Variants in CCT8 observed in about 807,000 individuals in gnomAD.
The protein encoded by CCT8 is chaperonin containing TCP1 subunit 8.
A neutral mutation model predicts 65.7 loss-of-function variants in CCT8; 10 were observed. That is an observed-to-expected ratio of 0.15 (90% confidence interval 0.09 to 0.26). The LOEUF is 0.26. Ranked by LOEUF, CCT8 falls within the 10% of genes least tolerant of loss-of-function variation. The pLI is 1.00. For synonymous variants in CCT8, 199 were observed against 221.8 expected (o/e 0.90, Z 0.92); for missense variants, 568 against 669.1 (o/e 0.85, Z 1.67).
At chr21:29,063,302 C>CA in intron 8 of CCT8, 50 bp downstream of exon 8, 1 of 1,488,158 alleles carries the variant, frequency 6.7e-7, no homozygotes, top group Non-Finnish European at 9.3e-7. Flanking sequence ...TTTTCACCAC[C>CA]AAAAAACCAT....
At chr21:29,064,930 A>AC in intron 7 of CCT8, 38 bp downstream of exon 7, 4 of 1,595,234 alleles carry the variant, frequency 2.5e-6, no homozygotes, top group Non-Finnish European at 2.6e-6. Context: ...TGAAAGTGCA[A>AC]CCCCAATTAT....
chr21:29,058,514 T>C (rs2085528846), intron 14 of CCT8, among the ~76,000 whole-genome samples: 1 of 152,082 alleles, frequency 6.6e-6, no homozygotes, highest in Non-Finnish European at 1.5e-5. Context: ...AAAGTGCTCA[T>C]TAAAACAGAC....
chr21:29,067,400 T>TA (rs1465102570), intron 4 of CCT8, among the ~76,000 whole-genome samples, 156 bp downstream of exon 4: 3 of 152,238 alleles, frequency 2.0e-5, no homozygotes. Flanking sequence ...ACTAAAATGA[T>TA]ACAGCATGTG....
At chr21:29,069,794 ATGCAGCAAGTGC>A (rs1471109997) in intron 2 of CCT8, among the ~76,000 whole-genome samples, 3 of 152,240 alleles carry the variant, frequency 2.0e-5, no homozygotes, top group African/African-American at 7.2e-5. Flanking sequence ...CATGACTGTC[ATGCAGCAAGTGC>A]TCAACAGAAA....
chr21:29,069,494 T>G lies in CCT8; in HGVS notation c.160A>C (p.Lys54Gln). 6.4e-7 allele frequency: 1 copy of G among 1,560,388 alleles called. No individual in the cohort carries two copies. Among genetic ancestry groups the G allele is most frequent in the Non-Finnish European group, 8.7e-7 (1 of 1,154,058 alleles). ...TTCTCCAAGTGGTTGATAACCATTTTGTTCATTCCTCAAAAGTAACAGTTA... is the reference window on the plus strand; with the variant it reads ...TTCTCCAAGTGGTTGATAACCATTTGGTTCATTCCTCAAAAGTAACAGTTA... ...RTAYGPNGMNKMVINHLEKLF... is the reference protein window; with the variant it reads ...RTAYGPNGMNQMVINHLEKLF... The change falls in exon 3 of 15, where the codon AAA becomes CAA. Residue 54 changes from lysine to glutamine, a missense_variant. By Grantham distance (53) the Lys-to-Gln change is moderately conservative (BLOSUM62 1). Transcript: ENST00000286788.
intron 7 of CCT8, 115 bp downstream of exon 7, chr21:29,064,853 G>T: frequency 1.2e-6 from 1 of 805,968 alleles, no homozygotes; most frequent in Non-Finnish European, 2.0e-6. Context: ...TAAAAAAATA[G>T]GTAAGATCCT....
Position 29,062,234 on chromosome 21 carries a change from TCTTC to T in CCT8, c.1102_1105del (p.Glu368MetfsTer7). On this transcript the variant is annotated frameshift_variant, in exon 11 of 15. Transcript: ENST00000286788. LOFTEE classifies it high-confidence loss of function. ...AAGTACTATGGTAGAAATGGCGCCA[TCTTC>T]CTTTTCTATCAAAAAATTAAATATA... The T allele has an allele frequency of 6.2e-7, 1 of 1,612,808 alleles. No homozygotes were observed. Among genetic ancestry groups the T allele is most frequent in the Non-Finnish European group, 8.5e-7 (1 of 1,178,934 alleles).
rs535092092 is a variant in CCT8 at position 29,070,342 on chromosome 21, T to TA, written c.61-6dup. The TA allele has an allele frequency of 2.3e-3, 3,638 of 1,590,080 alleles. 8 individuals are homozygous for TA. The highest frequency in any genetic ancestry group is 4.7e-3 in the Middle Eastern group (28 of 5,988). On this transcript the variant is annotated splice_polypyrimidine_tract_variant and splice_region_variant and intron_variant, in intron 1 of 14. Coordinates refer to ENST00000286788, the MANE Select transcript of CCT8 (RefSeq NM_006585.4). ...CTCTTCTAATCCTGAAAAGTGCTGT[T>TA]AAAAAAAACAAACAAAAAACCCCGC...
chr21:29,060,387 GA>G (rs1285896075), intron 14 of CCT8, among the ~76,000 whole-genome samples, 153 bp downstream of exon 14: 2 of 151,998 alleles, frequency 1.3e-5, no homozygotes, highest in Admixed American at 6.6e-5. Context: ...TATAATAGAA[GA>G]AAAAAATTGG....
Position 29,072,076 on chromosome 21 carries a change from G to GC in CCT8, c.60+1454dup, listed in dbSNP as rs1355403218. 9.3e-6 allele frequency: 6 copies of GC among 645,962 alleles called. No individual in the cohort carries two copies. The Admixed American group carries it at 1.3e-4, about 14-fold the overall frequency. The allele number at this position is 645,962 out of a possible 1,614,324, so 40.0% of individuals were successfully genotyped here. A position where few individuals can be genotyped will look rare whatever the true frequency, so the allele number is the denominator to read the frequency against. ...TTGTACTAGTTAGTCCCTGAGCCTG[G>GC]CATTTCCCCCTAAGTAAGAGGTCGG... On this transcript the variant is annotated intron_variant, in intron 1 of 14. Coordinates refer to ENST00000286788, the MANE Select transcript of CCT8 (RefSeq NM_006585.4).
In CCT8 at chr21:29,060,504, T is replaced by A. The variant is rs1274935951; in HGVS notation, c.1569+37A>T. ...AATATACTATTAAACAGTATGCAAA[T>A]GAGTATTTTTAAAGATCAAAATTTC... is the stretch of plus-strand genomic sequence containing the variant. On this transcript the variant is annotated intron_variant, in intron 14 of 14. Transcript: ENST00000286788. 2.5e-6 allele frequency: 4 copies of A among 1,601,778 alleles called. No homozygotes were observed. The African/African-American group carries it at 5.4e-5, about 21-fold the overall frequency.
At chr21:29,071,640 G>A (rs2085681464) in intron 1 of CCT8, among the ~76,000 whole-genome samples, 1 of 152,004 alleles carries the variant, frequency 6.6e-6, no homozygotes, top group Non-Finnish European at 1.5e-5. Context: ...ACTGACCTCG[G>A]CCTCCCCAGT....
At chr21:29,057,773 GAT>G (rs576298301) in intron 14 of CCT8, among the ~76,000 whole-genome samples, 98 of 116,458 alleles carry the variant, frequency 8.4e-4, no homozygotes, top group African/African-American at 2.0e-3. Flanking sequence ...AGATATATAT[GAT>G]ATATATGAGA....
At chr21:29,060,511 T>G in intron 14 of CCT8, 30 bp downstream of exon 14, 1 of 1,609,718 alleles carries the variant, frequency 6.2e-7, no homozygotes, top group Non-Finnish European at 8.5e-7. Context: ...AAATGAGTAT[T>G]TTTAAAGATC....
chr21:29,066,579 A>G, intron 6 of CCT8, 137 bp downstream of exon 6: 1 of 542,216 alleles, frequency 1.8e-6, no homozygotes, highest in Non-Finnish European at 3.3e-6. Context: ...ATGCCTCAAA[A>G]AAAGTCCTAA....
At position 29,061,311 on chromosome 21, in the gene CCT8, A is replaced by G. The variant is rs777480945; in HGVS notation, c.1391T>C (p.Ile464Thr). Reference protein sequence around the residue: ...ENSGVKANEVISKLYAVHQEG... With the variant: ...ENSGVKANEVTSKLYAVHQEG... ...TTGATGTACTGCATAAAGTTTAGAG[A>G]TTACTTCATTGGCCTTAACTCCAGA... The change falls in exon 13 of 15, where the codon ATC becomes ACC. Residue 464 changes from isoleucine to threonine, a missense_variant. By Grantham distance (89) the Ile-to-Thr change is moderately conservative. Transcript: ENST00000286788. 8.1e-6 allele frequency: 13 copies of G among 1,613,908 alleles called. No individual in the cohort carries two copies. Among genetic ancestry groups the G allele is most frequent in the East Asian group, 4.5e-5 (2 of 44,882 alleles).
chr21:29,066,759 G>A lies in CCT8; in HGVS notation c.581C>T (p.Ser194Phe), dbSNP rs749877026. ...AQACVSIFPD[S>F]GHFNVDNIRV... ...GATGTTATCAACATTGAAATGGCCG[G>A]AATCAGGAAAAATAGATACTGTTAA... The change falls in exon 6 of 15, where the codon TCC (serine) becomes TTC (phenylalanine). Residue 194 changes from serine to phenylalanine, a missense_variant. Coordinates refer to ENST00000286788, the MANE Select transcript of CCT8 (RefSeq NM_006585.4). The A allele has an allele frequency of 3.1e-6, 5 of 1,607,408 alleles. No individual in the cohort carries two copies. In the South Asian group the frequency reaches 5.6e-5, roughly 18 times the overall value.
intron 1 of CCT8, 85 bp downstream of exon 1, chr21:29,073,445 GC>G: frequency 1.2e-6 from 2 of 1,604,404 alleles, no homozygotes. Context: ...AGCACGCTCA[GC>G]CCGTTAGTAG....
Position 29,067,064 on chromosome 21 carries a change from T to C in CCT8, c.389A>G (p.Glu130Gly). 1 of 1,605,044 alleles carries C rather than the reference T, an allele frequency of 6.2e-7. No homozygotes were observed. Among genetic ancestry groups the C allele is most frequent in the Non-Finnish European group, 8.5e-7 (1 of 1,175,080 alleles). ...RIGLSVSEVIEGYEIACRKAH... is the reference protein window; with the variant it reads ...RIGLSVSEVIGGYEIACRKAH... ...TTTTCTGCAGGCTATTTCATAACCT[T>C]CTATGACCTAAAACATAAACAACAT... Residue 130 changes from glutamate to glycine, a missense_variant, in exon 5 of 15, where the codon GAA becomes GGA. Physicochemically the swap from Glu to Gly is moderately conservative, Grantham distance 98 (BLOSUM62 -2). Coordinates refer to ENST00000286788, the MANE Select transcript of CCT8 (RefSeq NM_006585.4).
Sources: gnomAD v4.1 joint callset for allele counts (sites outside exome capture counted in the v4.1 genomes callset) on GRCh38, gnomAD v4.1.1 for gene constraint, MANE v1.5 for transcripts, NCBI Gene and HGNC (gene_info 2026-07-23, HGNC 2026-07-21) for gene names.